The following CTTNBP2 variants were observed in gnomAD, a reference collection of about 807,000 sequenced individuals.
The protein encoded by CTTNBP2 is cortactin binding protein 2.
In CTTNBP2, 108 loss-of-function variants were observed where a neutral mutation model predicts 156.9. The observed-to-expected ratio is 0.69, with a 90% CI of 0.59 to 0.81. The LOEUF (loss-of-function observed/expected upper bound fraction) is 0.81, where lower values mean the gene tolerates loss of function less well. CTTNBP2 is among the 30% of genes least tolerant of loss of function. The probability of loss-of-function intolerance (pLI) is 0.00; values close to 1 mark genes in which losing one functional copy is unlikely to be tolerated. For synonymous variants in CTTNBP2, 767 were observed against 751.8 expected (o/e 1.02, Z -0.33); for missense variants, 1,924 against 2,035.4 (o/e 0.95, Z 1.05).
intron 3 of CTTNBP2, among the ~76,000 whole-genome samples, chr7:117,808,087 T>C (rs774321077): frequency 6.6e-6 from 1 of 152,146 alleles, no homozygotes; most frequent in Non-Finnish European, 1.5e-5. Context: ...GTGAAAAGAA[T>C]TGTTCCCCCT....
intron 20 of CTTNBP2, among the ~76,000 whole-genome samples, chr7:117,720,230 G>A (rs899174757): frequency 2.7e-4 from 41 of 152,088 alleles, no homozygotes; most frequent in Admixed American, 2.2e-3. Flanking sequence ...GCAAACCAGC[G>A]GACATGATCC....
chr7:117,823,800 C>G (rs546432298), intron 2 of CTTNBP2, among the ~76,000 whole-genome samples: 1 of 152,202 alleles, frequency 6.6e-6, no homozygotes, highest in Non-Finnish European at 1.5e-5. Flanking sequence ...AAGTGATCCT[C>G]CCTGCTCAGT....
At chr7:117,802,636 C>T (rs1799697983) in intron 3 of CTTNBP2, among the ~76,000 whole-genome samples, 1 of 152,050 alleles carries the variant, frequency 6.6e-6, no homozygotes, top group Non-Finnish European at 1.5e-5. Context: ...ATAAACTATG[C>T]ATCTGACAAA....
chr7:117,787,590 C>T (rs1585004297), intron 4 of CTTNBP2, among the ~76,000 whole-genome samples: 1 of 152,144 alleles, frequency 6.6e-6, no homozygotes, highest in East Asian at 1.9e-4. Flanking sequence ...TATGGAAACT[C>T]AGTTGCCTGG....
rs762111567 is a variant in CTTNBP2, at chr7:117,861,196, G to A, written c.189+13C>T. On this transcript the variant is annotated intron_variant, in intron 2 of 22. Coordinates refer to ENST00000160373, the MANE Select transcript of CTTNBP2 (RefSeq NM_033427.3). Reference sequence around the variant, plus strand: ...TGATCCAGCATGGAGACCCACTCCTGTGTCGTCCTTACCCGCAGGGCCTCG... The same window carrying A: ...TGATCCAGCATGGAGACCCACTCCTATGTCGTCCTTACCCGCAGGGCCTCG... 5 of 1,557,720 alleles carry A rather than the reference G, an allele frequency of 3.2e-6. No homozygotes were observed. Among genetic ancestry groups the A allele is most frequent in the East Asian group, 4.5e-5 (2 of 44,576 alleles).
chr7:117,844,328 C>T (rs975751568), intron 2 of CTTNBP2, among the ~76,000 whole-genome samples: 4 of 152,060 alleles, frequency 2.6e-5, no homozygotes, highest in African/African-American at 9.7e-5. Context: ...GTTATAGCAG[C>T]AATAGGAAAC....
chr7:117,747,267 C>T (rs1396069133), intron 12 of CTTNBP2, among the ~76,000 whole-genome samples: 2 of 152,166 alleles, frequency 1.3e-5, no homozygotes, highest in African/African-American at 4.8e-5. Flanking sequence ...TCTGTGTTGT[C>T]TCTCTCTTGT....
Position 117,756,631 on chromosome 7 carries a change from G to C in CTTNBP2, c.3272C>G (p.Pro1091Arg). Residue 1091 changes from proline to arginine, a missense_variant, in exon 12 of 23, where the codon CCT becomes CGT. Coordinates refer to ENST00000160373, the MANE Select transcript of CTTNBP2 (RefSeq NM_033427.3). ...AEHITVLLSG[P>R]QEGCLSSVTY... Reference sequence around the variant, plus strand: ...CACACTACTGAGACAGCCTTCTTGAGGACCTGTAGGAAAGGACAGACGAAG... The same window carrying C: ...CACACTACTGAGACAGCCTTCTTGACGACCTGTAGGAAAGGACAGACGAAG... The C allele has an allele frequency of 1.9e-6, 3 of 1,609,722 alleles. No individual in the cohort carries two copies. The South Asian group carries it at 3.3e-5, about 18-fold the overall frequency.
intron 8 of CTTNBP2, among the ~76,000 whole-genome samples, chr7:117,775,861 A>AT (rs535869897): frequency 1.0e-3 from 153 of 152,278 alleles, no homozygotes; most frequent in African/African-American, 3.4e-3. Context: ...AGTTCCCAGA[A>AT]TTTTTTTATC....
chr7:117,800,960 G>A (rs1799575124), intron 3 of CTTNBP2, among the ~76,000 whole-genome samples: 1 of 152,084 alleles, frequency 6.6e-6, no homozygotes, highest in South Asian at 2.1e-4. Context: ...GTATCTTGCT[G>A]CAAGTGCTAA....
At chr7:117,731,681 C>T (rs1045717509) in intron 16 of CTTNBP2, among the ~76,000 whole-genome samples, 20 of 152,204 alleles carry the variant, frequency 1.3e-4, no homozygotes. Flanking sequence ...AATGCTATGA[C>T]TGACTGACGG....
intron 12 of CTTNBP2, among the ~76,000 whole-genome samples, chr7:117,746,464 A>G (rs1364247288): frequency 6.6e-6 from 1 of 152,178 alleles, no homozygotes; most frequent in Non-Finnish European, 1.5e-5. Context: ...AATTTTGTCA[A>G]TGCTTATTTA....
chr7:117,746,300 G>A (rs190121896), intron 12 of CTTNBP2, among the ~76,000 whole-genome samples: 21 of 152,316 alleles, frequency 1.4e-4, no homozygotes, highest in Admixed American at 1.2e-3. Context: ...CTTAGCAAGA[G>A]CTGATACTTT....
At chr7:117,726,038 G>A (rs2116426029) in intron 17 of CTTNBP2, among the ~76,000 whole-genome samples, 1 of 152,190 alleles carries the variant, frequency 6.6e-6, no homozygotes, top group East Asian at 1.9e-4. Context: ...CAAGGCAAGG[G>A]TGCGTGTGGG....
At chr7:117,730,831 CAG>C (rs772579902) in intron 16 of CTTNBP2, among the ~76,000 whole-genome samples, 4 of 151,064 alleles carry the variant, frequency 2.6e-5, no homozygotes, top group Non-Finnish European at 5.9e-5. Context: ...GGGATGGGGA[CAG>C]GGGGTATATT....
At chr7:117,815,135 C>T (rs1432947416) in intron 2 of CTTNBP2, among the ~76,000 whole-genome samples, 1 of 152,170 alleles carries the variant, frequency 6.6e-6, no homozygotes, top group Non-Finnish European at 1.5e-5. Flanking sequence ...TCAAAATGTA[C>T]TTTTGATATT....
intron 11 of CTTNBP2, 99 bp downstream of exon 11, chr7:117,757,776 A>G (rs1796968072): frequency 1.4e-6 from 1 of 717,392 alleles, no homozygotes; most frequent in African/African-American, 1.8e-5. Flanking sequence ...GCGTGGCTAG[A>G]AGACATGGGA....
chr7:117,871,529 C>T (rs918659062), intron 1 of CTTNBP2: 2 of 166,232 alleles, frequency 1.2e-5, no homozygotes, highest in East Asian at 3.9e-4. Context: ...TATCAAATCC[C>T]CAACTATCAG....
Position 117,735,370 on chromosome 7 carries a change from A to G in CTTNBP2, c.3587T>C (p.Ile1196Thr), listed in dbSNP as rs1376425175. 6 of 1,613,592 alleles carry G rather than the reference A, an allele frequency of 3.7e-6. No homozygotes were observed. The highest frequency in any genetic ancestry group is 3.3e-5 in the Admixed American group (2 of 60,016). ...TGAAGATTTTTCTAAATTTTCTAAA[A>G]TGATGATGATTTTCTTCTTACTGGG... ...QSPSKKKIII[I>T]LENLEKSSLS... The change falls in exon 15 of 23, where the codon ATT becomes ACT. Residue 1196 changes from isoleucine to threonine, a missense_variant. Physicochemically the swap from Ile to Thr is moderately conservative, Grantham distance 89 (BLOSUM62 -1). Transcript: ENST00000160373.
Sources: allele counts gnomAD v4.1 joint callset (sites outside exome capture counted in the v4.1 genomes callset), GRCh38; gene constraint gnomAD v4.1.1; transcripts MANE v1.5; gene names NCBI Gene and HGNC (gene_info 2026-07-23, HGNC 2026-07-21).